Variants in TENM3 observed in about 807,000 individuals in gnomAD.
The protein encoded by TENM3 is teneurin-3.
TENM3 carries 63 observed loss-of-function variants against 255.1 expected under a neutral mutation model. The ratio of observed to expected loss-of-function variants is 0.25; its 90% CI spans 0.20 to 0.30. The LOEUF (loss-of-function observed/expected upper bound fraction) is 0.30, where lower values mean the gene tolerates loss of function less well. Among genes scored for constraint, TENM3 ranks in the 10% least tolerant of loss-of-function variants. TENM3 has a pLI of 1.00. For missense variants in TENM3, 2,929 were observed against 3,461.1 expected (o/e 0.85, Z 3.86); for synonymous variants, 1,306 against 1,322.3 (o/e 0.99, Z 0.27).
chr4:182,713,204 G>A (rs1758889063), intron 12 of TENM3, among the ~76,000 whole-genome samples: 1 of 152,194 alleles, frequency 6.6e-6, no homozygotes, highest in Non-Finnish European at 1.5e-5. Context: ...GCCTTAGGGA[G>A]ATTGTCACAA....
chr4:181,516,555 C>A, the TENM3 span, among the ~76,000 whole-genome samples: 6 of 151,884 alleles, frequency 4.0e-5, no homozygotes, highest in African/African-American at 1.2e-4. Context: ...CCGAGGCGGG[C>A]AGATCACCTG....
At chr4:181,577,019 T>C in the TENM3 span, among the ~76,000 whole-genome samples, 1 of 131,154 alleles carries the variant, frequency 7.6e-6, no homozygotes, top group Non-Finnish European at 1.6e-5. Context: ...ATATAATATA[T>C]GTAATATGCA....
At chr4:181,852,993 A>T in the TENM3 span, among the ~76,000 whole-genome samples, 2 of 152,248 alleles carry the variant, frequency 1.3e-5, no homozygotes, top group Non-Finnish European at 2.9e-5. Flanking sequence ...CCAAAGCCAG[A>T]CAGTATGCAA....
intron 1 of TENM3, among the ~76,000 whole-genome samples, chr4:182,254,959 G>T (rs970930445): frequency 1.3e-5 from 2 of 152,282 alleles, no homozygotes; most frequent in African/African-American, 2.4e-5. Context: ...CGAACCATGT[G>T]TGTATATTTA....
At chr4:181,610,930 A>G in the TENM3 span, among the ~76,000 whole-genome samples, 1 of 152,316 alleles carries the variant, frequency 6.6e-6, no homozygotes, top group African/African-American at 2.4e-5. Context: ...TAAATAAATC[A>G]AAGTGGGAAA....
chr4:182,737,880 T>C (rs1052367952), intron 17 of TENM3, among the ~76,000 whole-genome samples: 4 of 152,202 alleles, frequency 2.6e-5, no homozygotes, highest in African/African-American at 9.6e-5. Flanking sequence ...TTTTCATCTG[T>C]GGTTTATTCA....
the TENM3 span, among the ~76,000 whole-genome samples, chr4:181,799,490 T>G: frequency 6.6e-6 from 1 of 152,262 alleles, no homozygotes; most frequent in South Asian, 2.1e-4. Context: ...ATTTAAATTG[T>G]GTACCTAACT....
intron 1 of TENM3, among the ~76,000 whole-genome samples, chr4:182,162,091 G>A (rs545741110): frequency 3.3e-5 from 5 of 150,288 alleles, no homozygotes; most frequent in African/African-American, 1.2e-4. Flanking sequence ...GCTATGTTGT[G>A]CAGGCTGTCC....
the TENM3 span, among the ~76,000 whole-genome samples, chr4:182,007,900 C>G: frequency 1.3e-5 from 2 of 152,210 alleles, no homozygotes; most frequent in African/African-American, 4.8e-5. Flanking sequence ...CTTTCAGGAG[C>G]TCTTGCAGGC....
the TENM3 span, among the ~76,000 whole-genome samples, chr4:181,575,691 A>G: frequency 6.6e-6 from 1 of 152,170 alleles, no homozygotes; most frequent in Non-Finnish European, 1.5e-5. Context: ...GTGCTCTTAC[A>G]CTTAATTTGA....
chr4:182,474,342 A>G (rs1043632282), intron 3 of TENM3, among the ~76,000 whole-genome samples: 15 of 152,204 alleles, frequency 9.9e-5, no homozygotes, highest in African/African-American at 3.4e-4. Flanking sequence ...TTTGCTCTCT[A>G]TGCATTCAAC....
chr4:182,235,227 C>T (rs1384234010), intron 1 of TENM3, among the ~76,000 whole-genome samples: 1 of 152,026 alleles, frequency 6.6e-6, no homozygotes, highest in Non-Finnish European at 1.5e-5. Context: ...GCCTTGGGGG[C>T]ACAGTAGTGA....
the TENM3 span, chr4:181,821,729 A>C: frequency 6.6e-6 from 1 of 152,288 alleles, no homozygotes; most frequent in Middle Eastern, 3.4e-3. Context: ...TACTATGTGT[A>C]AATTACTCAG....
intron 3 of TENM3, among the ~76,000 whole-genome samples, chr4:182,372,642 C>T (rs1191813629): frequency 5.3e-5 from 8 of 151,790 alleles, no homozygotes; most frequent in Admixed American, 2.6e-4. Flanking sequence ...GTCACCTGTC[C>T]CATGCTGAAC....
At chr4:181,994,576 T>A in the TENM3 span, among the ~76,000 whole-genome samples, 3 of 134,872 alleles carry the variant, frequency 2.2e-5, no homozygotes, top group African/African-American at 8.3e-5. Flanking sequence ...TTTTGTGAAC[T>A]CAATTTGTAC....
intron 3 of TENM3, among the ~76,000 whole-genome samples, chr4:182,396,546 G>A (rs1227293806): frequency 2.0e-5 from 3 of 152,128 alleles, no homozygotes; most frequent in African/African-American, 7.2e-5. Context: ...TCATTGACAT[G>A]TTATAAATTA....
intron 1 of TENM3, among the ~76,000 whole-genome samples, chr4:182,186,761 TCATATATATATATATATATATATA>T (rs1358809290): frequency 2.3e-5 from 1 of 42,938 alleles, no homozygotes; most frequent in African/African-American, 8.6e-5. Context: ...TACTAATGCA[TCATATATATATATATATATATATA>T]TATATATATA....
the TENM3 span, among the ~76,000 whole-genome samples, chr4:181,926,449 C>T: frequency 2.6e-5 from 4 of 152,118 alleles, no homozygotes; most frequent in Non-Finnish European, 5.9e-5. Flanking sequence ...AACCTTGTGA[C>T]ATTTCTGTAT....
At chr4:182,448,356 G>A (rs1773109078) in intron 3 of TENM3, among the ~76,000 whole-genome samples, 2 of 152,170 alleles carry the variant, frequency 1.3e-5, no homozygotes, top group Admixed American at 6.5e-5. Context: ...CGGGCGCCAG[G>A]CTGGGGGCCC....
Sources: allele counts gnomAD v4.1 joint callset (sites outside exome capture counted in the v4.1 genomes callset), GRCh38; gene constraint gnomAD v4.1.1; transcripts MANE v1.5; gene names NCBI Gene and HGNC (gene_info 2026-07-23, HGNC 2026-07-21).